Variants in MACROH2A2 observed in about 807,000 individuals in gnomAD.
MACROH2A2 encodes the protein core histone macro-H2A.2.
In MACROH2A2, 6 loss-of-function variants were observed where a neutral mutation model predicts 37.6. That is an observed-to-expected ratio of 0.16 (90% CI 0.09 to 0.32). MACROH2A2 has a LOEUF of 0.32. MACROH2A2 is among the 10% of genes least tolerant of loss of function. The pLI is 1.00. For missense variants in MACROH2A2, 290 were observed against 485.9 expected (o/e 0.60, Z 3.79); for synonymous variants, 192 against 202.7 (o/e 0.95, Z 0.45).
At chr10:70,057,694 A>T (rs765730667) in intron 1 of MACROH2A2, among the ~76,000 whole-genome samples, 15 of 152,208 alleles carry the variant, frequency 9.9e-5, no homozygotes, top group Non-Finnish European at 1.5e-4. Context: ...AGAGGCAGAA[A>T]TATGCCCAAG....
chr10:70,095,367 C>CAA (rs1188963876), intron 5 of MACROH2A2, among the ~76,000 whole-genome samples: 18 of 67,926 alleles, frequency 2.6e-4, no homozygotes, highest in South Asian at 4.6e-4. Flanking sequence ...GACTCCGTCT[C>CAA]AAAAAAAAAA....
rs1029757593 is a variant in MACROH2A2 at position 70,075,894 on chromosome 10, C to T, written c.172+64C>T. The T allele has an allele frequency of 3.1e-5, 44 of 1,410,112 alleles. No homozygotes were observed. The highest frequency in any genetic ancestry group is 1.2e-5 in the South Asian group (1 of 81,252). 87.3% of individuals were successfully genotyped at this position (1,410,112 alleles called of 1,614,324 possible). A position where few individuals can be genotyped will look rare whatever the true frequency, so the allele number is the denominator to read the frequency against. Reference sequence around the variant, plus strand: ...TCCCCACCCTCCCCTGGGTCCCCCTCGCAGGCTGGGGAGGGATGCTCCAAA... The same window carrying T: ...TCCCCACCCTCCCCTGGGTCCCCCTTGCAGGCTGGGGAGGGATGCTCCAAA... On this transcript the variant is annotated intron_variant, in intron 2 of 8. Transcript: ENST00000373255. The surrounding 1 kb of genome is among the most constrained non-coding windows in gnomAD (Gnocchi z 5.0).
At chr10:70,069,756 GT>G (rs1287519131) in intron 1 of MACROH2A2, among the ~76,000 whole-genome samples, 11 of 152,010 alleles carry the variant, frequency 7.2e-5, no homozygotes, top group African/African-American at 2.7e-4. Flanking sequence ...CCTTGCAATG[GT>G]TCTTTTTAGA....
At chr10:70,110,379 T>C (rs1304765884) in intron 8 of MACROH2A2, among the ~76,000 whole-genome samples, 1 of 152,184 alleles carries the variant, frequency 6.6e-6, no homozygotes, top group Non-Finnish European at 1.5e-5. Flanking sequence ...CATGGGCCTG[T>C]GCCTATGAAA....
chr10:70,111,647 C>G lies in MACROH2A2; in HGVS notation c.1083C>G (p.Ile361Met). The G allele has an allele frequency of 1.2e-6, 2 of 1,613,018 alleles. No individual in the cohort carries two copies. The stretch of plus-strand genomic sequence containing the variant: ...TCTTCGACAGCGAGAGCATCGGCAT[C>G]TACGTGCAGGAGATGGCCAAGCTCG... ...FLLFDSESIG[I>M]YVQEMAKLDA... Residue 361 changes from isoleucine to methionine, a missense_variant, in exon 9 of 9, where the codon ATC becomes ATG. Physicochemically the swap from Ile to Met is conservative, Grantham distance 10. Coordinates refer to ENST00000373255, the MANE Select transcript of MACROH2A2 (RefSeq NM_018649.3).
At chr10:70,069,328 C>G (rs1217746192) in intron 1 of MACROH2A2, among the ~76,000 whole-genome samples, 1 of 152,202 alleles carries the variant, frequency 6.6e-6, no homozygotes. Context: ...TACATTCTCC[C>G]TCTTCCTCTC....
intron 1 of MACROH2A2, among the ~76,000 whole-genome samples, chr10:70,068,226 T>C (rs1451864693): frequency 2.0e-5 from 3 of 152,252 alleles, no homozygotes; most frequent in Middle Eastern, 3.4e-3. Context: ...AAGTCAGAAG[T>C]ATAGGTTTAA....
At chr10:70,055,542 A>C (rs777970231) in intron 1 of MACROH2A2, among the ~76,000 whole-genome samples, 4 of 141,234 alleles carry the variant, frequency 2.8e-5, no homozygotes, top group Admixed American at 7.5e-5. Context: ...AGATAGGGAA[A>C]GAAATGAAAT....
chr10:70,062,183 A>G (rs1006656505), intron 1 of MACROH2A2, among the ~76,000 whole-genome samples: 2 of 152,214 alleles, frequency 1.3e-5, no homozygotes, highest in Non-Finnish European at 2.9e-5. Flanking sequence ...ATGTATAGTT[A>G]ATATATTTAT....
intron 7 of MACROH2A2, among the ~76,000 whole-genome samples, chr10:70,106,871 T>C (rs2072341141): frequency 6.6e-6 from 1 of 151,902 alleles, no homozygotes; most frequent in African/African-American, 2.4e-5. Flanking sequence ...GATTATACTT[T>C]TAAAATATAT....
intron 6 of MACROH2A2, 29 bp from the exon 7 acceptor site, chr10:70,100,179 C>T (rs750115684): frequency 1.7e-6 from 2 of 1,208,912 alleles, no homozygotes; most frequent in Admixed American, 3.5e-5. Flanking sequence ...AGAACAACCA[C>T]AGTGGCTTCC....
At chr10:70,059,036 G>T (rs759027468) in intron 1 of MACROH2A2, among the ~76,000 whole-genome samples, 1 of 152,244 alleles carries the variant, frequency 6.6e-6, no homozygotes, top group East Asian at 1.9e-4. Context: ...ATTTTTTCAG[G>T]TCCAGTTTTT....
In MACROH2A2 at chr10:70,053,069, G is replaced by A. The variant is rs899920774; in HGVS notation, c.-60+69G>A. On this transcript the variant is annotated intron_variant, in intron 1 of 8. Coordinates refer to ENST00000373255, the MANE Select transcript of MACROH2A2 (RefSeq NM_018649.3). The surrounding 1 kb of genome is among the most constrained non-coding windows in gnomAD (Gnocchi z 4.8). ...GGGTCTGGAAACAAAACGCGCCGCC[G>A]GGGCAGTGCAGGGGCCGGAGAGAAC... The A allele has an allele frequency of 6.6e-6, 1 of 152,364 alleles. No homozygotes were observed. Among genetic ancestry groups the A allele is most frequent in the Non-Finnish European group, 1.5e-5 (1 of 68,184 alleles). The allele number at this position is 152,364 out of a possible 1,614,324, so 9.4% of individuals were successfully genotyped here. A position where few individuals can be genotyped will look rare whatever the true frequency, so the allele number is the denominator to read the frequency against.
rs2072246719 is a variant in MACROH2A2, at chr10:70,091,835, A to G, written c.358A>G (p.Thr120Ala). 2 of 1,613,992 alleles carry G rather than the reference A, an allele frequency of 1.2e-6. No individual in the cohort carries two copies. The highest frequency in any genetic ancestry group is 1.3e-5 in the African/African-American group (1 of 74,914). Residue 120 changes from threonine to alanine, a missense_variant, in exon 4 of 9, where the codon ACC becomes GCC. Transcript: ENST00000373255. Reference protein sequence around the residue: ...HPELLAKKRGTKGKSETILSP... With the variant: ...HPELLAKKRGAKGKSETILSP... ...CGAACTGCTGGCCAAAAAGCGAGGG[A>G]CCAAAGGCAAGTCGGAAACGATCCT...
chr10:70,082,703 A>G lies in MACROH2A2; in HGVS notation c.172+6873A>G, dbSNP rs144266976. Among the ~76,000 whole-genome samples, 5 of 152,360 alleles carry G rather than the reference A, an allele frequency of 3.3e-5. No homozygotes were observed. In the East Asian group the frequency reaches 5.8e-4, roughly 18 times the overall value. On this transcript the variant is annotated intron_variant, in intron 2 of 8. Transcript: ENST00000373255. Reference sequence around the variant, plus strand: ...GAAGGATGGCAGACACAATAGGGCAATATCATATTGTTCCATTTATATGAG... The same window carrying G: ...GAAGGATGGCAGACACAATAGGGCAGTATCATATTGTTCCATTTATATGAG...
chr10:70,080,202 C>G (rs775300228), intron 2 of MACROH2A2, among the ~76,000 whole-genome samples: 5 of 151,828 alleles, frequency 3.3e-5, no homozygotes, highest in Non-Finnish European at 5.9e-5. Flanking sequence ...TCACTTGAAC[C>G]CAGGAGGCGG....
At chr10:70,059,671 T>G (rs1216774808) in intron 1 of MACROH2A2, among the ~76,000 whole-genome samples, 1 of 151,954 alleles carries the variant, frequency 6.6e-6, no homozygotes, top group Non-Finnish European at 1.5e-5. Context: ...GCGCCTGGCC[T>G]CCTACAAATT....
chr10:70,083,938 G>T (rs933757735), intron 2 of MACROH2A2, among the ~76,000 whole-genome samples: 3 of 151,812 alleles, frequency 2.0e-5, no homozygotes, highest in Admixed American at 2.0e-4. Context: ...CCCAAATTCT[G>T]CAGTAGCGTT....
At chr10:70,068,183 T>A (rs956853851) in intron 1 of MACROH2A2, among the ~76,000 whole-genome samples, 3 of 152,226 alleles carry the variant, frequency 2.0e-5, no homozygotes, top group African/African-American at 7.2e-5. Flanking sequence ...TCTTTAACTT[T>A]CTTATTTTCC....
Sources: gnomAD v4.1 joint callset for allele counts (sites outside exome capture counted in the v4.1 genomes callset) on GRCh38, gnomAD v4.1.1 for gene constraint, Gnocchi (gnomAD v3.1) non-coding constraint, MANE v1.5 for transcripts, NCBI Gene and HGNC (gene_info 2026-07-23, HGNC 2026-07-21) for gene names.